The following MAN1A1 variants were observed in gnomAD, a reference collection of about 807,000 sequenced individuals.
The protein encoded by MAN1A1 is mannosyl-oligosaccharide 1,2-alpha-mannosidase IA.
MAN1A1 carries 29 observed loss-of-function variants against 70.8 expected under a neutral mutation model. The observed-to-expected ratio is 0.41, with a 90% CI of 0.31 to 0.56. MAN1A1 has a LOEUF of 0.56. Ranked by LOEUF, MAN1A1 falls within the 20% of genes least tolerant of loss-of-function variation. The pLI is 0.29. For missense variants in MAN1A1, 747 were observed against 841.3 expected, an observed-to-expected ratio of 0.89 and a Z score of 1.39; for synonymous variants, 349 against 330.1, an observed-to-expected ratio of 1.06 and a Z score of -0.62.
At chr6:119,298,298 T>A (rs1365880477) in intron 4 of MAN1A1, among the ~76,000 whole-genome samples, 1 of 152,204 alleles carries the variant, frequency 6.6e-6, no homozygotes, top group East Asian at 1.9e-4. Flanking sequence ...TTATCCCAAC[T>A]TATTTTAAGC....
intron 2 of MAN1A1, among the ~76,000 whole-genome samples, chr6:119,336,198 T>C (rs1773446476): frequency 6.6e-6 from 1 of 152,096 alleles, no homozygotes; most frequent in Admixed American, 6.5e-5. Context: ...GCCTCCCGAG[T>C]AGCTGGGACT....
intron 6 of MAN1A1, among the ~76,000 whole-genome samples, chr6:119,243,722 G>A (rs1029728326): frequency 6.6e-6 from 1 of 152,030 alleles, no homozygotes. Flanking sequence ...AAACTGTAAT[G>A]TAACCAATGA....
At position 119,330,051 on chromosome 6, in the gene MAN1A1, C is replaced by T. The variant is rs78506187; in HGVS notation, c.603+18412G>A. On this transcript the variant is annotated intron_variant, in intron 2 of 12. Coordinates refer to ENST00000368468, the MANE Select transcript of MAN1A1 (RefSeq NM_005907.4). ...CTCTCTGATTGCTCCTTCTCTGTCA[C>T]CACTTACTCTGCACATCCTGTAAAT... Among the ~76,000 whole-genome samples the T allele has an allele frequency of 5.9e-3, 899 of 152,318 alleles. 31 individuals are homozygous for T. The East Asian group carries it at 0.09, about 15-fold the overall frequency.
chr6:119,208,442 A>G (rs773405886), intron 6 of MAN1A1, among the ~76,000 whole-genome samples: 3 of 152,252 alleles, frequency 2.0e-5, no homozygotes, highest in African/African-American at 7.2e-5. Flanking sequence ...TTGAGTCACT[A>G]TGATCTTTTG....
chr6:119,245,081 C>CAAAACTATTTTG (rs919670186), intron 6 of MAN1A1, among the ~76,000 whole-genome samples: 5 of 152,078 alleles, frequency 3.3e-5, no homozygotes, highest in African/African-American at 1.2e-4. Context: ...GAGACACATT[C>CAAAACTATTTTG]AAAATTGAGA....
intron 2 of MAN1A1, among the ~76,000 whole-genome samples, chr6:119,343,946 C>T (rs1773663234): frequency 6.6e-6 from 1 of 152,220 alleles, no homozygotes; most frequent in African/African-American, 2.4e-5. Context: ...GCATTCCTCC[C>T]CTCTGACCTT....
chr6:119,247,628 C>T (rs548266966), intron 6 of MAN1A1, among the ~76,000 whole-genome samples: 183 of 152,194 alleles, frequency 1.2e-3, no homozygotes, highest in Admixed American at 2.4e-3. Context: ...GTCTGTTCAG[C>T]CTGGGATGTG....
chr6:119,327,776 G>T (rs944361588), intron 2 of MAN1A1, among the ~76,000 whole-genome samples: 7 of 152,032 alleles, frequency 4.6e-5, no homozygotes, highest in Non-Finnish European at 8.8e-5. Context: ...TTCCACAATG[G>T]TTACATATTT....
intron 5 of MAN1A1, among the ~76,000 whole-genome samples, chr6:119,282,178 A>G (rs529004718): frequency 6.6e-5 from 10 of 152,238 alleles, no homozygotes; most frequent in Admixed American, 1.3e-4. Context: ...GCCAGCTTCT[A>G]CCATTTACAC....
At chr6:119,249,617 C>T (rs1347670942) in intron 5 of MAN1A1, among the ~76,000 whole-genome samples, 1 of 152,080 alleles carries the variant, frequency 6.6e-6, no homozygotes, top group Non-Finnish European at 1.5e-5. Context: ...ACTGGGGAAG[C>T]ATTCACTAAA....
rs1046289283 is a variant in MAN1A1 at position 119,178,324 on chromosome 6, A to G, written c.*1495T>C. ...AAACTGCTGACAGTTTTTAAACTAC[A>G]AATGCAGCAATTTCATATGTTTCAG... is the stretch of plus-strand genomic sequence containing the variant. On this transcript the variant is annotated 3_prime_UTR_variant, in exon 13 of 13. Coordinates refer to ENST00000368468, the MANE Select transcript of MAN1A1 (RefSeq NM_005907.4). 1.3e-5 allele frequency: 2 copies of G among 152,142 alleles called. No homozygotes were observed. The highest frequency in any genetic ancestry group is 4.8e-5 in the African/African-American group (2 of 41,472). 9.4% of individuals were successfully genotyped at this position (152,142 alleles called of 1,614,324 possible). A position where few individuals can be genotyped will look rare whatever the true frequency, so the allele number is the denominator to read the frequency against.
chr6:119,189,751 C>A lies in MAN1A1; in HGVS notation c.1459G>T (p.Asp487Tyr), dbSNP rs1257538234. 6.2e-7 allele frequency: 1 copy of A among 1,614,118 alleles called. No individual in the cohort carries two copies. The highest frequency in any genetic ancestry group is 1.1e-5 in the South Asian group (1 of 91,076). Reference sequence around the variant, plus strand: ...TGGGCCATGCCTTCGGGAGCTGCATCAGCCCCGAGTGCGAACATGCCCCCC... The same window carrying A: ...TGGGCCATGCCTTCGGGAGCTGCATAAGCCCCGAGTGCGAACATGCCCCCC... ...FAGGMFALGA[D>Y]AAPEGMAQHY... Residue 487 changes from aspartate (D) to tyrosine (Y), a missense_variant, in exon 10 of 13, where the codon GAT (aspartate) becomes TAT (tyrosine). Transcript: ENST00000368468.
chr6:119,193,936 A>G (rs1283996816), intron 8 of MAN1A1, 44 bp from the exon 9 acceptor site: 1 of 1,265,038 alleles, frequency 7.9e-7, no homozygotes, highest in East Asian at 2.3e-5. Flanking sequence ...TCAGCTTTTA[A>G]TTCAGATAAT....
At chr6:119,195,072 C>T (rs563463417) in intron 8 of MAN1A1, among the ~76,000 whole-genome samples, 19 of 152,210 alleles carry the variant, frequency 1.2e-4, no homozygotes, top group Non-Finnish European at 2.6e-4. Flanking sequence ...ACCTGATGAT[C>T]TGCCTGCCTC....
chr6:119,223,250 T>C (rs1243477154), intron 6 of MAN1A1, among the ~76,000 whole-genome samples: 2 of 152,200 alleles, frequency 1.3e-5, no homozygotes, highest in Non-Finnish European at 2.9e-5. Flanking sequence ...ATTTTGGTTA[T>C]ATAACCATAT....
chr6:119,306,150 AT>A (rs1290120029), intron 3 of MAN1A1, among the ~76,000 whole-genome samples: 2 of 152,188 alleles, frequency 1.3e-5, no homozygotes, highest in African/African-American at 4.8e-5. Context: ...CTATTGTTGA[AT>A]TCAGAAGTTC....
intron 2 of MAN1A1, among the ~76,000 whole-genome samples, chr6:119,343,243 C>G (rs1053609587): frequency 6.6e-6 from 1 of 151,876 alleles, no homozygotes; most frequent in Non-Finnish European, 1.5e-5. Context: ...ATAGTAAGCA[C>G]GGATAATTTA....
intron 2 of MAN1A1, among the ~76,000 whole-genome samples, chr6:119,343,256 C>G (rs1773644231): frequency 6.6e-6 from 1 of 151,900 alleles, no homozygotes; most frequent in Admixed American, 6.6e-5. Context: ...ATAATTTATA[C>G]AATTCTTTGG....
intron 7 of MAN1A1, among the ~76,000 whole-genome samples, chr6:119,203,625 G>C (rs370441455): frequency 1.1e-4 from 17 of 152,262 alleles, no homozygotes; most frequent in African/African-American, 4.1e-4. Context: ...GACAGCAGTA[G>C]AGGCAGTGAG....
Sources: allele counts gnomAD v4.1 joint callset (sites outside exome capture counted in the v4.1 genomes callset), GRCh38; gene constraint gnomAD v4.1.1; transcripts MANE v1.5; gene names NCBI Gene and HGNC (gene_info 2026-07-23, HGNC 2026-07-21).